The following RCN2 variants were observed in gnomAD, a reference collection of about 807,000 sequenced individuals.
RCN2 encodes reticulocalbin 2, also known as reticulocalbin-2.
RCN2 carries 23 observed loss-of-function variants against 37.5 expected under a neutral mutation model. That is an observed-to-expected ratio of 0.61 (90% CI 0.44 to 0.87). The LOEUF (loss-of-function observed/expected upper bound fraction) is 0.87, where lower values mean the gene tolerates loss of function less well. Ranked by LOEUF, RCN2 falls within the 40% of genes least tolerant of loss-of-function variation. The pLI is 0.00. For missense variants in RCN2, 381 were observed against 390.4 expected (o/e 0.98, Z 0.20); for synonymous variants, 140 against 144.6 (o/e 0.97, Z 0.23).
At chr15:76,948,156 T>C (rs1394254845) in intron 5 of RCN2, 5 of 305,680 alleles carry the variant, frequency 1.6e-5, no homozygotes, top group Non-Finnish European at 3.0e-5. Flanking sequence ...TCGGAACAAA[T>C]AGCAGTTAAC....
chr15:76,940,841 C>T (rs1048706454), intron 3 of RCN2, among the ~76,000 whole-genome samples: 1 of 151,908 alleles, frequency 6.6e-6, no homozygotes, highest in African/African-American at 2.4e-5. Context: ...AGATTACATG[C>T]GTGAACCACC....
chr15:76,933,342 T>G (rs1041611837), intron 2 of RCN2, among the ~76,000 whole-genome samples: 7 of 152,240 alleles, frequency 4.6e-5, no homozygotes, highest in African/African-American at 1.7e-4. Context: ...AATTAAAAAC[T>G]GGTAAATTTA....
rs1025990447 is a variant in RCN2, at chr15:76,953,476, ATTTC to A, written c.*4258_*4261del. 16 of 141,556 alleles carry A rather than the reference ATTTC, an allele frequency of 1.1e-4. No individual in the cohort carries two copies. Among genetic ancestry groups the A allele is most frequent in the Non-Finnish European group, 2.3e-4 (15 of 66,496 alleles). The allele number at this position is 141,556 out of a possible 1,614,324, so 8.8% of individuals were successfully genotyped here. On this transcript the variant is annotated 3_prime_UTR_variant, in exon 7 of 7. Transcript: ENST00000394885. ...CTGCCATGAATATGGGTGTACAAATATTTCTTTGAGATCCTGCTTTTAGTTCTTT... is the reference window on the plus strand; with the variant it reads ...CTGCCATGAATATGGGTGTACAAATATTTGAGATCCTGCTTTTAGTTCTTT...
intron 3 of RCN2, among the ~76,000 whole-genome samples, chr15:76,939,523 T>C (rs2075268734): frequency 6.6e-6 from 1 of 152,166 alleles, no homozygotes; most frequent in South Asian, 2.1e-4. Context: ...GGGTCTTCAT[T>C]CTACAGTGGA....
chr15:76,938,664 C>T (rs918209678), intron 3 of RCN2: 5 of 442,188 alleles, frequency 1.1e-5, no homozygotes, highest in East Asian at 7.1e-5. Flanking sequence ...TCATATTGGC[C>T]GCTTGAACTC....
In RCN2 at chr15:76,953,143, T is replaced by A. The variant is rs2956876; in HGVS notation, c.*3921T>A. ...GAGACGGGGTTTCGCCATGTTGGCA[T>A]GGCTGGTCTCGAACTCTTGACCTCA... On this transcript the variant is annotated 3_prime_UTR_variant, in exon 7 of 7. Transcript: ENST00000394885. 0.95 allele frequency: 143,529 copies of A among 151,856 alleles called. 68,114 individuals are homozygous for A. The highest frequency in any genetic ancestry group is 1 in the East Asian group (5,128 of 5,130). The allele number at this position is 151,856 out of a possible 1,614,324, so 9.4% of individuals were successfully genotyped here.
rs1187718471 is a variant in RCN2, at chr15:76,950,627, G to A, written c.*1405G>A. On this transcript the variant is annotated 3_prime_UTR_variant, in exon 7 of 7. Transcript: ENST00000394885. ...GATGGTTTCGATCTCCTGACCTCATGATCAGCCCACCTCGGCCTCCCAAGG... is the reference window on the plus strand; with the variant it reads ...GATGGTTTCGATCTCCTGACCTCATAATCAGCCCACCTCGGCCTCCCAAGG... 1 of 152,224 alleles carries A rather than the reference G, an allele frequency of 6.6e-6. No individual in the cohort carries two copies. The highest frequency in any genetic ancestry group is 1.5e-5 in the Non-Finnish European group (1 of 68,076). 9.4% of individuals were successfully genotyped at this position (152,224 alleles called of 1,614,324 possible). A position where few individuals can be genotyped will look rare whatever the true frequency, so the allele number is the denominator to read the frequency against.
At position 76,943,750 on chromosome 15, in the gene RCN2, T is replaced by A; in HGVS notation, c.448-8T>A. The A allele has an allele frequency of 1.3e-6, 2 of 1,527,376 alleles. No homozygotes were observed. Among genetic ancestry groups the A allele is most frequent in the South Asian group, 1.2e-5 (1 of 85,572 alleles). 94.6% of individuals were successfully genotyped at this position (1,527,376 alleles called of 1,614,324 possible). Reference sequence around the variant, plus strand: ...TGGTATACTAATGAGAAATTTTAATTTTCAAAGCTTCACTTAAAGGACAAG... The same window carrying A: ...TGGTATACTAATGAGAAATTTTAATATTCAAAGCTTCACTTAAAGGACAAG... On this transcript the variant is annotated splice_polypyrimidine_tract_variant and splice_region_variant and intron_variant, in intron 3 of 6. Coordinates refer to ENST00000394885, the MANE Select transcript of RCN2 (RefSeq NM_002902.3).
chr15:76,945,294 A>G (rs1450833574), intron 4 of RCN2, among the ~76,000 whole-genome samples: 1 of 152,042 alleles, frequency 6.6e-6, no homozygotes, highest in African/African-American at 2.4e-5. Context: ...TGGTTTTTCA[A>G]TGTTAGTAAT....
In RCN2 at chr15:76,952,523, C is replaced by T. The variant is rs2075326329; in HGVS notation, c.*3301C>T. The T allele has an allele frequency of 6.6e-6, 1 of 152,186 alleles. No individual in the cohort carries two copies. Among genetic ancestry groups the T allele is most frequent in the African/African-American group, 2.4e-5 (1 of 41,436 alleles). The allele number at this position is 152,186 out of a possible 1,614,324, so 9.4% of individuals were successfully genotyped here. On this transcript the variant is annotated 3_prime_UTR_variant, in exon 7 of 7. Transcript: ENST00000394885. ...CAGTCAAAATGTGAAACTATTACCA[C>T]CTTCCATCTCCATGAACTTCATTTG...
rs888249584 is a variant in RCN2, at chr15:76,950,392, T to A, written c.*1170T>A. 6.8e-6 allele frequency: 1 copy of A among 147,028 alleles called. No homozygotes were observed. The highest frequency in any genetic ancestry group is 2.5e-5 in the African/African-American group (1 of 39,654). The allele number at this position is 147,028 out of a possible 1,614,324, so 9.1% of individuals were successfully genotyped here. On this transcript the variant is annotated 3_prime_UTR_variant, in exon 7 of 7. Coordinates refer to ENST00000394885, the MANE Select transcript of RCN2 (RefSeq NM_002902.3). ...ACAGAGATTGTTTTTCATTCTTTTT[T>A]TTTTTTTTTTTTTTGTGACAGAGTC...
At chr15:76,932,250 T>C (rs2075226993) in intron 1 of RCN2, 111 bp from the exon 2 acceptor site, 4 of 857,064 alleles carry the variant, frequency 4.7e-6, no homozygotes, top group Non-Finnish European at 7.5e-6. Flanking sequence ...CAGGTGCGGG[T>C]CACCCCGAAA....
rs1175972105 is a variant in RCN2 at position 76,949,913 on chromosome 15, T to C, written c.*691T>C. On this transcript the variant is annotated 3_prime_UTR_variant, in exon 7 of 7. Coordinates refer to ENST00000394885, the MANE Select transcript of RCN2 (RefSeq NM_002902.3). ...ATGAAATGTCCTTTGTATATGTTTG[T>C]TTGCTTTTCTTTAACTTTCAGATAA... is the stretch of plus-strand genomic sequence containing the variant. 1.3e-5 allele frequency: 2 copies of C among 150,682 alleles called. No homozygotes were observed. Among genetic ancestry groups the C allele is most frequent in the Admixed American group, 6.6e-5 (1 of 15,064 alleles). The allele number at this position is 150,682 out of a possible 1,614,324, so 9.3% of individuals were successfully genotyped here. A position where few individuals can be genotyped will look rare whatever the true frequency, so the allele number is the denominator to read the frequency against.
intron 2 of RCN2, among the ~76,000 whole-genome samples, chr15:76,934,064 A>T (rs2075236507): frequency 6.6e-6 from 1 of 152,174 alleles, no homozygotes; most frequent in African/African-American, 2.4e-5. Context: ...TGGTATACTC[A>T]TGCTGTCCTC....
In RCN2 at chr15:76,950,938, A is replaced by G. The variant is rs2075318267; in HGVS notation, c.*1716A>G. On this transcript the variant is annotated 3_prime_UTR_variant, in exon 7 of 7. Coordinates refer to ENST00000394885, the MANE Select transcript of RCN2 (RefSeq NM_002902.3). ...AATTGTAAGCTTCCACACCTTAATG[A>G]CTGCTTGCTTGGGTATCTACATGGT... 1 of 152,214 alleles carries G rather than the reference A, an allele frequency of 6.6e-6. No individual in the cohort carries two copies. The highest frequency in any genetic ancestry group is 1.5e-5 in the Non-Finnish European group (1 of 68,032). 9.4% of individuals were successfully genotyped at this position (152,214 alleles called of 1,614,324 possible).
chr15:76,947,669 C>A, intron 5 of RCN2, 152 bp downstream of exon 5: 1 of 577,932 alleles, frequency 1.7e-6, no homozygotes, highest in Non-Finnish European at 3.0e-6. Context: ...ACAAGTTCAA[C>A]AAATGGATTT....
rs1706848 is a variant in RCN2 at position 76,949,410 on chromosome 15, T to C, written c.*188T>C. The C allele has an allele frequency of 0.97, 422,883 of 436,342 alleles. 205,423 individuals are homozygous for C. The highest frequency in any genetic ancestry group is 1 in the East Asian group (28,579 of 28,582). The allele number at this position is 436,342 out of a possible 1,614,324, so 27.0% of individuals were successfully genotyped here. A position where few individuals can be genotyped will look rare whatever the true frequency, so the allele number is the denominator to read the frequency against. On this transcript the variant is annotated 3_prime_UTR_variant, in exon 7 of 7. Coordinates refer to ENST00000394885, the MANE Select transcript of RCN2 (RefSeq NM_002902.3). ...CAAAAATCTGATATTTATTTCAAAA[T>C]GTATTGAAGCAACAAAATATTAATA...
In RCN2 at chr15:76,947,511, G is replaced by A. The variant is rs1364857810; in HGVS notation, c.652G>A (p.Asp218Asn). Reference sequence around the variant, plus strand: ...AGAATTTCTTGGTGATTACAGGTGGGATCCAAGTAAGTCACCTGGGAGAAT... The same window carrying A: ...AGAATTTCTTGGTGATTACAGGTGGAATCCAAGTAAGTCACCTGGGAGAAT... ...LEEFLGDYRW[D>N]PTANEDPEWI... Residue 218 changes from aspartate (D) to asparagine (N), a missense_variant, in exon 5 of 7, where the codon GAT becomes AAT. Transcript: ENST00000394885. 1.3e-6 allele frequency: 2 copies of A among 1,587,414 alleles called. No individual in the cohort carries two copies. The highest frequency in any genetic ancestry group is 1.7e-6 in the Non-Finnish European group (2 of 1,160,762).
intron 4 of RCN2, among the ~76,000 whole-genome samples, chr15:76,945,623 A>C (rs1312454318): frequency 6.6e-6 from 1 of 152,210 alleles, no homozygotes; most frequent in East Asian, 1.9e-4. Context: ...TTTAAAAAAG[A>C]GACTAAACAT....
Sources: allele counts gnomAD v4.1 joint callset (sites outside exome capture counted in the v4.1 genomes callset), GRCh38; gene constraint gnomAD v4.1.1; transcripts MANE v1.5; gene names NCBI Gene and HGNC (gene_info 2026-07-23, HGNC 2026-07-21).